Variants in DIP2B observed in about 807,000 individuals in gnomAD.
DIP2B encodes DIP2 acetate--CoA ligase B (putative), also known as disco-interacting protein 2 homolog B.
In DIP2B, 76 loss-of-function variants were observed where a neutral mutation model predicts 198.0. That is an observed-to-expected ratio of 0.38 (90% confidence interval 0.32 to 0.46). The LOEUF is 0.46. Among genes scored for constraint, DIP2B ranks in the 20% least tolerant of loss-of-function variants. The pLI is 0.99. For synonymous variants in DIP2B, 701 were observed against 739.1 expected (o/e 0.95, Z 0.84); for missense variants, 1,559 against 1,978.4 (o/e 0.79, Z 4.02).
intron 4 of DIP2B, among the ~76,000 whole-genome samples, chr12:50,663,414 G>T (rs1218325750): frequency 6.6e-6 from 1 of 151,768 alleles, no homozygotes; most frequent in African/African-American, 2.4e-5. Context: ...AAAATTAGCC[G>T]GGCGTGGTGG....
At chr12:50,740,783 T>G (rs1046741079) in intron 36 of DIP2B, among the ~76,000 whole-genome samples, 1 of 152,206 alleles carries the variant, frequency 6.6e-6, no homozygotes, top group African/African-American at 2.4e-5. Context: ...CCTTCTTATA[T>G]GTGTATTCCA....
At chr12:50,609,820 C>T (rs2139451987) in intron 1 of DIP2B, among the ~76,000 whole-genome samples, 1 of 152,242 alleles carries the variant, frequency 6.6e-6, no homozygotes, top group Middle Eastern at 3.4e-3. Context: ...TTGTGGTTGT[C>T]TTTTTTTCTT....
At chr12:50,727,260 T>C (rs546051132) in intron 28 of DIP2B, among the ~76,000 whole-genome samples, 3 of 152,382 alleles carry the variant, frequency 2.0e-5, no homozygotes, top group Non-Finnish European at 2.9e-5. Context: ...TTTTTGAGCA[T>C]TTCTTCAGTC....
intron 1 of DIP2B, among the ~76,000 whole-genome samples, chr12:50,544,562 T>C (rs923896864): frequency 6.6e-5 from 10 of 152,024 alleles, no homozygotes; most frequent in African/African-American, 2.4e-4. Context: ...TGTCTTGGTC[T>C]CCCAAAGTGC....
At chr12:50,573,234 AC>A (rs1380744740) in intron 1 of DIP2B, among the ~76,000 whole-genome samples, 2 of 152,240 alleles carry the variant, frequency 1.3e-5, no homozygotes, top group Admixed American at 1.3e-4. Context: ...ATCAGCCATA[AC>A]AGTCAGTTCC....
chr12:50,550,703 T>G (rs1958420085), intron 1 of DIP2B, among the ~76,000 whole-genome samples: 1 of 152,214 alleles, frequency 6.6e-6, no homozygotes, highest in South Asian at 2.1e-4. Context: ...GCAGCCCGCT[T>G]CTCTGCAGTT....
At chr12:50,655,797 T>C (rs1399673397) in intron 3 of DIP2B, among the ~76,000 whole-genome samples, 2 of 152,152 alleles carry the variant, frequency 1.3e-5, no homozygotes, top group Non-Finnish European at 2.9e-5. Flanking sequence ...CTGGGCAACA[T>C]AGTGAAACTC....
At chr12:50,541,403 C>CTTTT (rs57979674) in intron 1 of DIP2B, among the ~76,000 whole-genome samples, 3 of 128,616 alleles carry the variant, frequency 2.3e-5, no homozygotes, top group Admixed American at 7.8e-5. Context: ...AAAGAACATT[C>CTTTT]TTTTTTTTTT....
intron 1 of DIP2B, among the ~76,000 whole-genome samples, chr12:50,573,122 C>A (rs1958629694): frequency 6.6e-6 from 1 of 152,252 alleles, no homozygotes; most frequent in Non-Finnish European, 1.5e-5. Context: ...TTTAGGCATC[C>A]CCTTAAATCT....
At position 50,531,768 on chromosome 12, in the gene DIP2B, C is replaced by G. The variant is rs146155424; in HGVS notation, c.100+26528C>G. On this transcript the variant is annotated intron_variant, in intron 1 of 37. Coordinates refer to ENST00000301180, the MANE Select transcript of DIP2B (RefSeq NM_173602.3). Reference sequence around the variant, plus strand: ...GAAGTAGCTAGGATATATACACATTCATCTGTTCTTTGTCTCTCTCCTCAC... The same window carrying G: ...GAAGTAGCTAGGATATATACACATTGATCTGTTCTTTGTCTCTCTCCTCAC... Among the ~76,000 whole-genome samples the G allele has an allele frequency of 8.3e-3, 1,265 of 152,322 alleles. 23 individuals are homozygous for G. Among genetic ancestry groups the G allele is most frequent in the Non-Finnish European group, 8.3e-3 (563 of 68,032 alleles).
At chr12:50,516,270 TATATCG>T (rs1958064523) in intron 1 of DIP2B, among the ~76,000 whole-genome samples, 1 of 151,850 alleles carries the variant, frequency 6.6e-6, no homozygotes, top group African/African-American at 2.4e-5. Context: ...TCTCTATCTC[TATATCG>T]AGAGAGTCTT....
intron 1 of DIP2B, among the ~76,000 whole-genome samples, chr12:50,577,649 AT>A (rs1034077955): frequency 6.6e-6 from 1 of 151,528 alleles, no homozygotes; most frequent in African/African-American, 2.4e-5. Flanking sequence ...AAATAACTAT[AT>A]TTTCTAAAAC....
At chr12:50,524,218 G>T (rs140487779) in intron 1 of DIP2B, among the ~76,000 whole-genome samples, 33 of 152,212 alleles carry the variant, frequency 2.2e-4, no homozygotes, top group Middle Eastern at 3.4e-3. Flanking sequence ...TCATGCCCAT[G>T]TCATCACATC....
rs1958830392 is a variant in DIP2B at position 50,592,696 on chromosome 12, T to TCGAACTCCTGACCTTGTGATCTGCC, written c.101-33277_101-33253dup. Among the ~76,000 whole-genome samples the TCGAACTCCTGACCTTGTGATCTGCC allele has an allele frequency of 2.6e-5, 4 of 152,130 alleles. No individual in the cohort carries two copies. The South Asian group carries it at 8.3e-4, about 32-fold the overall frequency. Reference sequence around the variant, plus strand: ...TTTCACCATGTTGGTCAGGCTGGTCTCGAACTCCTGACCTTGTGATCTGCC... The same window carrying TCGAACTCCTGACCTTGTGATCTGCC: ...TTTCACCATGTTGGTCAGGCTGGTCTCGAACTCCTGACCTTGTGATCTGCCCGAACTCCTGACCTTGTGATCTGCC... On this transcript the variant is annotated intron_variant, in intron 1 of 37. Transcript: ENST00000301180.
chr12:50,639,751 T>G (rs1395947892), intron 2 of DIP2B, among the ~76,000 whole-genome samples: 2 of 152,180 alleles, frequency 1.3e-5, no homozygotes, highest in African/African-American at 2.4e-5. Context: ...TTTCAGAAAC[T>G]TAAGCCTTAA....
At chr12:50,593,923 C>T (rs972002539) in intron 1 of DIP2B, among the ~76,000 whole-genome samples, 1 of 73,118 alleles carries the variant, frequency 1.4e-5, no homozygotes, top group African/African-American at 5.6e-5. Flanking sequence ...TCTCCTTTTC[C>T]TCTCTTCTCT....
chr12:50,639,705 T>G (rs1438330960), intron 2 of DIP2B, among the ~76,000 whole-genome samples: 1 of 152,178 alleles, frequency 6.6e-6, no homozygotes, highest in Non-Finnish European at 1.5e-5. Flanking sequence ...TAATTTGCTA[T>G]GTGTAAGCTG....
intron 1 of DIP2B, among the ~76,000 whole-genome samples, chr12:50,620,049 G>A (rs949763948): frequency 3.9e-5 from 6 of 152,144 alleles, no homozygotes; most frequent in African/African-American, 1.2e-4. Flanking sequence ...CCCTGTCTTA[G>A]AAAAAGAAAG....
At chr12:50,727,913 C>G in intron 29 of DIP2B, 101 bp downstream of exon 29, 2 of 942,926 alleles carry the variant, frequency 2.1e-6, no homozygotes, top group Non-Finnish European at 1.7e-6. Flanking sequence ...TACCAGAGAC[C>G]GGTAGGCAGA....
Sources: gnomAD v4.1 joint callset for allele counts (sites outside exome capture counted in the v4.1 genomes callset) on GRCh38, gnomAD v4.1.1 for gene constraint, MANE v1.5 for transcripts, NCBI Gene and HGNC (gene_info 2026-07-23, HGNC 2026-07-21) for gene names.